The following KIAA1210 variants were observed in gnomAD, a reference collection of about 807,000 sequenced individuals.
KIAA1210 encodes acrosomal protein KIAA1210.
KIAA1210 carries 48 observed loss-of-function variants against 78.9 expected under a neutral mutation model. The ratio of observed to expected loss-of-function variants is 0.61; its 90% CI spans 0.48 to 0.77. KIAA1210 has a LOEUF of 0.77. Ranked by LOEUF, KIAA1210 falls within the 30% of genes least tolerant of loss-of-function variation. The pLI is 0.00. For missense variants in KIAA1210, 1,108 were observed against 1,100.0 expected (o/e 1.01, Z -0.10); for synonymous variants, 406 against 404.5 (o/e 1.00, Z -0.04).
At position 119,146,627 on chromosome X, in the gene KIAA1210, C is replaced by T. The variant is rs374851318; in HGVS notation, c.410+846G>A. ...AAAACTTTAGGTGAACTGGTAAATACGGCAAATAATTTATTCAAGAAATTG... is the reference window on the plus strand; with the variant it reads ...AAAACTTTAGGTGAACTGGTAAATATGGCAAATAATTTATTCAAGAAATTG... On this transcript the variant is annotated intron_variant, in intron 2 of 13. Transcript: ENST00000402510. Among the ~76,000 whole-genome samples, 9 of 111,903 alleles carry T rather than the reference C, an allele frequency of 8.0e-5. No homozygotes were observed. In the East Asian group the frequency reaches 8.4e-4, roughly 10 times the overall value.
chrX:119,096,897 C>T (rs944228141), intron 6 of KIAA1210, among the ~76,000 whole-genome samples: 13 of 112,061 alleles, frequency 1.2e-4, no homozygotes, highest in African/African-American at 3.9e-4. Context: ...AAACAAGAAA[C>T]AGGAAGAAGT....
chrX:119,114,859 C>T (rs777267843), intron 3 of KIAA1210, among the ~76,000 whole-genome samples: 1 of 111,178 alleles, frequency 9.0e-6, no homozygotes, highest in African/African-American at 3.3e-5. Flanking sequence ...TCCCTGGAGG[C>T]GAAAATAAAA....
rs770066159 is a variant in KIAA1210 at position 119,093,689 on chromosome X, C to G, written c.933G>C (p.Lys311Asn). 54 of 1,206,765 alleles carry G rather than the reference C, an allele frequency of 4.5e-5. No homozygotes were observed. The highest frequency in any genetic ancestry group is 4.7e-5 in the Non-Finnish European group (42 of 893,116). ...AACCTGCACTGTCCATTCCCAGCTT[C>G]TTTTCGTTGATTTCTTTTGGTTTGG... is the stretch of plus-strand genomic sequence containing the variant. ...SITKPKEINE[K>N]KLGMDSADSS... The change falls in exon 8 of 12, where the codon AAG becomes AAC. Residue 311 changes from lysine (K) to asparagine (N), a missense_variant. Physicochemically the swap from Lys to Asn is moderately conservative, Grantham distance 94. Around this residue, in one of 5 missense-constraint regions of KIAA1210, gnomAD observed 672 missense variants for 607.1 expected, o/e 1.11. Transcript: ENST00000691062.
At chrX:119,146,317 G>C (rs766599687) in intron 2 of KIAA1210, among the ~76,000 whole-genome samples, 1 of 111,755 alleles carries the variant, frequency 8.9e-6, no homozygotes, top group Non-Finnish European at 1.9e-5. Flanking sequence ...TGTCAATCAA[G>C]AAAATACATA....
At position 119,087,499 on chromosome X, in the gene KIAA1210, C is replaced by T; in HGVS notation, c.3203G>A (p.Ser1068Asn). 1.7e-6 allele frequency: 2 copies of T among 1,210,544 alleles called. No homozygotes were observed. Among genetic ancestry groups the T allele is most frequent in the Non-Finnish European group, 2.2e-6 (2 of 895,054 alleles). ...AGAAATGCCTCCCTTAGGATTAGCA[C>T]TCCCTGAATCTGAGAAAACTTGGTG... ...VKHQVFSDSG[S>N]ANPKGGISSK... Residue 1068 changes from serine to asparagine, a missense_variant, in exon 9 of 12, where the codon AGT (serine) becomes AAT (asparagine). By Grantham distance (46) the Ser-to-Asn change is conservative. Coordinates refer to ENST00000691062, the MANE Select transcript of KIAA1210 (RefSeq NM_001394962.1).
intron 3 of KIAA1210, among the ~76,000 whole-genome samples, chrX:119,113,839 T>C (rs773284040): frequency 3.6e-5 from 4 of 111,627 alleles, no homozygotes; most frequent in Non-Finnish European, 7.5e-5. Context: ...CATGAATGAC[T>C]CTTGAAAACA....
At chrX:119,118,535 G>C (rs547046031) in intron 2 of KIAA1210, among the ~76,000 whole-genome samples, 1 of 112,224 alleles carries the variant, frequency 8.9e-6, no homozygotes, top group Non-Finnish European at 1.9e-5. Flanking sequence ...GTATGTAAGC[G>C]GAATGTCTGG....
Position 119,089,059 on chromosome X carries a change from T to C in KIAA1210, c.1643A>G (p.Asp548Gly). Residue 548 changes from aspartate to glycine, a missense_variant, in exon 9 of 12, where the codon GAT (aspartate) becomes GGT (glycine). Around this residue, in one of 5 missense-constraint regions of KIAA1210, gnomAD observed 672 missense variants for 607.1 expected, o/e 1.11. Transcript: ENST00000691062. ...KAQSKMESAQ[D>G]VQTICKEKPS... ...CTTTTCTTTGCAGATAGTTTGAACA[T>C]CCTGGGCTGACTCCATTTTGGATTG... 8.3e-7 allele frequency: 1 copy of C among 1,211,774 alleles called. No individual in the cohort carries two copies. The highest frequency in any genetic ancestry group is 1.1e-6 in the Non-Finnish European group (1 of 895,263).
At position 119,123,479 on chromosome X, in the gene KIAA1210, A is replaced by G. The variant is rs1043794319; in HGVS notation, c.61+103T>C. Reference sequence around the variant, plus strand: ...AAAGTAAACGTGACTGAGTCTAATGATCTGAACTTGTTTTCTTGTGCCTTG... The same window carrying G: ...AAAGTAAACGTGACTGAGTCTAATGGTCTGAACTTGTTTTCTTGTGCCTTG... On this transcript the variant is annotated intron_variant, in intron 2 of 11. Transcript: ENST00000691062. 4 of 580,984 alleles carry G rather than the reference A, an allele frequency of 6.9e-6. No homozygotes were observed. In the African/African-American group the frequency reaches 9.3e-5, roughly 13 times the overall value. The allele number at this position is 580,984 out of a possible 1,213,427, so 47.9% of individuals were successfully genotyped here.
In KIAA1210 at chrX:119,087,690, T is replaced by C; in HGVS notation, c.3012A>G (p.Glu1004=). Residue 1004 remains glutamate, a synonymous_variant, in exon 9 of 12, where the codon GAA becomes GAG. Coordinates refer to ENST00000691062, the MANE Select transcript of KIAA1210 (RefSeq NM_001394962.1). ...MTSRLEKMAV[E]GTSNKSPIPR... is the part of the protein sequence containing the mutation. ...GAATCGGTGATTTGTTAGAAGTGCC[T>C]TCAACAGCCATTTTCTCTAGTCGTG... The C allele has an allele frequency of 2.5e-6, 3 of 1,211,724 alleles. No individual in the cohort carries two copies. In the South Asian group the frequency reaches 5.3e-5, roughly 21 times the overall value.
chrX:119,118,733 T>C lies in KIAA1210; in HGVS notation c.62-2069A>G, dbSNP rs1928354221. 2.7e-5 allele frequency among the ~76,000 whole-genome samples: 3 copies of C among 112,541 alleles called. No individual in the cohort carries two copies. In the East Asian group the frequency reaches 8.4e-4, roughly 31 times the overall value. On this transcript the variant is annotated intron_variant, in intron 2 of 11. Coordinates refer to ENST00000691062, the MANE Select transcript of KIAA1210 (RefSeq NM_001394962.1). ...TCTCTATCTTCTGAACACCTAAAAC[T>C]TGGCTGTTAGCATCAAAAGTTTTGC...
exon 1 of KIAA1210, chrX:119,150,474 T>A (rs777368351): frequency 1.7e-6 from 2 of 1,211,641 alleles, no homozygotes; most frequent in East Asian, 5.9e-5. Context: ...CTTCCAATCC[T>A]GGCCCCTCGG....
chrX:119,084,681 C>A (rs1927076570), intron 10 of KIAA1210, among the ~76,000 whole-genome samples: 1 of 110,856 alleles, frequency 9.0e-6, no homozygotes, highest in African/African-American at 3.3e-5. Context: ...GCACCAAAAT[C>A]TCACAAATCA....
intron 1 of KIAA1210, among the ~76,000 whole-genome samples, chrX:119,149,868 C>T (rs1309342637): frequency 9.0e-6 from 1 of 111,147 alleles, no homozygotes; most frequent in Non-Finnish European, 1.9e-5. Flanking sequence ...TTCCATCCCT[C>T]TCTCGGCCTT....
Position 119,085,472 on chromosome X carries a change from T to C in KIAA1210, c.4231A>G (p.Lys1411Glu), listed in dbSNP as rs1927101607. The C allele has an allele frequency of 8.3e-7, 1 of 1,210,173 alleles. No homozygotes were observed. The highest frequency in any genetic ancestry group is 1.1e-6 in the Non-Finnish European group (1 of 894,974). Reference sequence around the variant, plus strand: ...ACAGAAATGTGGGCCTTGAAACTCTTCTGCTTCTGCTTTGCCATAGTTATC... The same window carrying C: ...ACAGAAATGTGGGCCTTGAAACTCTCCTGCTTCTGCTTTGCCATAGTTATC... ...VWITMAKQKQ[K>E]SFKAHISVKE... Residue 1411 changes from lysine (K) to glutamate (E), a missense_variant, in exon 10 of 12, where the codon AAG becomes GAG. Coordinates refer to ENST00000691062, the MANE Select transcript of KIAA1210 (RefSeq NM_001394962.1).
At chrX:119,090,938 A>C (rs1256355513) in intron 8 of KIAA1210, among the ~76,000 whole-genome samples, 1 of 111,737 alleles carries the variant, frequency 8.9e-6, no homozygotes, top group African/African-American at 3.3e-5. Context: ...TACAGTCAGC[A>C]TCTGAGAAAG....
chrX:119,079,824 G>A lies in KIAA1210; in HGVS notation c.*1505C>T, dbSNP rs1926887056. 2 of 111,862 alleles carry A rather than the reference G, an allele frequency of 1.8e-5. 1 individual carries two copies. The highest frequency in any genetic ancestry group is 1.9e-4 in the Admixed American group (2 of 10,568). The allele number at this position is 111,862 out of a possible 1,213,427, so 9.2% of individuals were successfully genotyped here. ...TTGAGGTGTGTGCCTCTAGGAATGA[G>A]AGGGGAAAAGCTGATTTACTCACTT... On this transcript the variant is annotated 3_prime_UTR_variant, in exon 12 of 12. Transcript: ENST00000691062.
chrX:119,139,902 C>G (rs1158880035), intron 2 of KIAA1210, among the ~76,000 whole-genome samples: 1 of 111,917 alleles, frequency 8.9e-6, no homozygotes, highest in Non-Finnish European at 1.9e-5. Context: ...AACCCCAGCT[C>G]TGCAATTAAC....
At chrX:119,097,774 G>A (rs1927602511) in intron 6 of KIAA1210, among the ~76,000 whole-genome samples, 1 of 111,839 alleles carries the variant, frequency 8.9e-6, no homozygotes, top group Non-Finnish European at 1.9e-5. Context: ...GAGTCAGGCT[G>A]ATGACAAATC....
Sources: gnomAD v4.1 joint callset for allele counts (sites outside exome capture counted in the v4.1 genomes callset) on GRCh38, gnomAD v4.1.1 for gene constraint, gnomAD v4.1.1 regional missense constraint, MANE v1.5 for transcripts, NCBI Gene and HGNC (gene_info 2026-07-23, HGNC 2026-07-21) for gene names.